SEZ6L: variants seen among roughly 807,000 people sequenced by gnomAD.
SEZ6L encodes seizure 6-like protein.
In SEZ6L, 37 loss-of-function variants were observed where a neutral mutation model predicts 106.2. The observed-to-expected ratio is 0.35, with a 90% CI of 0.27 to 0.46. SEZ6L has a LOEUF of 0.46. Ranked by LOEUF, SEZ6L falls within the 20% of genes least tolerant of loss-of-function variation. The pLI is 1.00. For missense variants in SEZ6L, 1,172 were observed against 1,332.8 expected (o/e 0.88, Z 1.88); for synonymous variants, 541 against 570.4 (o/e 0.95, Z 0.73).
chr22:26,218,076 C>T (rs1040028432), intron 1 of SEZ6L, among the ~76,000 whole-genome samples: 1 of 152,140 alleles, frequency 6.6e-6, no homozygotes, highest in African/African-American at 2.4e-5. Flanking sequence ...AAAACAGATG[C>T]AGGAATATAC....
chr22:26,180,291 C>T (rs1939305235), intron 1 of SEZ6L, among the ~76,000 whole-genome samples: 1 of 152,208 alleles, frequency 6.6e-6, no homozygotes, highest in African/African-American at 2.4e-5. Flanking sequence ...ACATATTCAT[C>T]AAGATGTGGC....
chr22:26,231,858 T>C (rs367697687), intron 1 of SEZ6L, among the ~76,000 whole-genome samples: 82 of 152,288 alleles, frequency 5.4e-4, no homozygotes, highest in African/African-American at 1.8e-3. Flanking sequence ...GGCCCTTAGC[T>C]GTCACCTGAG....
intron 13 of SEZ6L, 90 bp downstream of exon 13, chr22:26,365,656 T>C: frequency 7.9e-7 from 1 of 1,270,076 alleles, no homozygotes; most frequent in African/African-American, 1.5e-5. Context: ...CTCTAAAAAA[T>C]TGGACTAGGA....
At chr22:26,226,942 T>A (rs565666854) in intron 1 of SEZ6L, among the ~76,000 whole-genome samples, 1 of 152,292 alleles carries the variant, frequency 6.6e-6, no homozygotes, top group South Asian at 2.1e-4. Flanking sequence ...AAAGAGGAGC[T>A]GGGGTCCTTG....
At chr22:26,316,315 G>A (rs4822701) in intron 9 of SEZ6L, among the ~76,000 whole-genome samples, 39,246 of 152,056 alleles carry the variant, frequency 0.26, 5,744 homozygotes, top group South Asian at 0.58. Context: ...TGTACCTACC[G>A]TGTGCCAGCA....
At chr22:26,314,963 A>C (rs1035522311) in intron 9 of SEZ6L, among the ~76,000 whole-genome samples, 2 of 152,172 alleles carry the variant, frequency 1.3e-5, no homozygotes, top group African/African-American at 2.4e-5. Context: ...TGAGAAGTGG[A>C]CAAAGACAGA....
In SEZ6L at chr22:26,257,988, C is replaced by G. The variant is rs192811358; in HGVS notation, c.95-34418C>G. Among the ~76,000 whole-genome samples the G allele has an allele frequency of 2.8e-4, 42 of 152,286 alleles. 1 individual carries two copies. Among genetic ancestry groups the G allele is most frequent in the Admixed American group, 2.5e-3 (39 of 15,300 alleles). ...TTATACCAACTCTGGCCCGCTTTATCTGCTTGCTCCTGCCAGCCAGCTGCC... is the reference window on the plus strand; with the variant it reads ...TTATACCAACTCTGGCCCGCTTTATGTGCTTGCTCCTGCCAGCCAGCTGCC... On this transcript the variant is annotated intron_variant, in intron 1 of 16. Coordinates refer to ENST00000248933, the MANE Select transcript of SEZ6L (RefSeq NM_021115.5).
At position 26,224,003 on chromosome 22, in the gene SEZ6L, G is replaced by A. The variant is rs188502205; in HGVS notation, c.94+54240G>A. 3.8e-4 allele frequency among the ~76,000 whole-genome samples: 58 copies of A among 152,108 alleles called. 2 individuals are homozygous for A. The highest frequency in any genetic ancestry group is 3.4e-3 in the Middle Eastern group (1 of 294). On this transcript the variant is annotated intron_variant, in intron 1 of 16. Transcript: ENST00000248933. ...AACTAATTACTATTAAATTGGCCTC[G>A]TTATTAAGCATCAAGGGATCAATGG...
chr22:26,320,228 A>G (rs1569461647), intron 9 of SEZ6L, among the ~76,000 whole-genome samples: 1 of 152,156 alleles, frequency 6.6e-6, no homozygotes, highest in Non-Finnish European at 1.5e-5. Context: ...ATGCTGAGAT[A>G]TGCTGGCAGA....
intron 13 of SEZ6L, among the ~76,000 whole-genome samples, chr22:26,366,822 ATT>A (rs528292169): frequency 1.3e-5 from 2 of 151,990 alleles, no homozygotes; most frequent in Non-Finnish European, 2.9e-5. Flanking sequence ...TTATTACTAA[ATT>A]TTTTTGTAGA....
intron 1 of SEZ6L, among the ~76,000 whole-genome samples, chr22:26,234,497 TTGGGAGAACGAACGTCTTGCTCTC>T (rs965920879): frequency 6.6e-6 from 1 of 152,236 alleles, no homozygotes; most frequent in African/African-American, 2.4e-5. Flanking sequence ...GACGTGCTCC[TTGGGAGAACGAACGTCTTGCTCTC>T]TGGCTTGGCA....
chr22:26,272,088 G>A (rs570386055), intron 1 of SEZ6L, among the ~76,000 whole-genome samples: 5 of 152,326 alleles, frequency 3.3e-5, no homozygotes, highest in South Asian at 4.1e-4. Context: ...AAGAGAACAC[G>A]TTGCATAATT....
intron 1 of SEZ6L, among the ~76,000 whole-genome samples, chr22:26,222,969 C>A (rs2145727900): frequency 7.1e-6 from 1 of 139,864 alleles, no homozygotes; most frequent in East Asian, 2.1e-4. Flanking sequence ...TACAATGATG[C>A]ATGGGACAGC....
chr22:26,347,685 TC>T, intron 10 of SEZ6L, 33 bp from the exon 11 acceptor site: 3 of 1,556,258 alleles, frequency 1.9e-6, no homozygotes, highest in Non-Finnish European at 2.6e-6. Context: ...CAAGACTGCT[TC>T]CCCCATCTAA....
intron 15 of SEZ6L, among the ~76,000 whole-genome samples, chr22:26,377,250 C>G (rs371661595): frequency 6.6e-6 from 1 of 152,112 alleles, no homozygotes. Context: ...CACTACAACC[C>G]GGGTGACAGA....
intron 1 of SEZ6L, among the ~76,000 whole-genome samples, chr22:26,261,554 C>T (rs1159341479): frequency 6.6e-6 from 1 of 152,176 alleles, no homozygotes; most frequent in Non-Finnish European, 1.5e-5. Context: ...TACTGTACTG[C>T]ATGGATTCAG....
At chr22:26,224,133 G>A (rs181686204) in intron 1 of SEZ6L, among the ~76,000 whole-genome samples, 12 of 152,242 alleles carry the variant, frequency 7.9e-5, no homozygotes, top group East Asian at 5.8e-4. Flanking sequence ...TAATAACACC[G>A]GCTGTTGCTG....
At chr22:26,243,153 A>G (rs1332125400) in intron 1 of SEZ6L, among the ~76,000 whole-genome samples, 1 of 152,150 alleles carries the variant, frequency 6.6e-6, no homozygotes, top group Non-Finnish European at 1.5e-5. Flanking sequence ...ATTCTGAATG[A>G]TCTCATCTTA....
chr22:26,217,091 A>G (rs1050223914), intron 1 of SEZ6L, among the ~76,000 whole-genome samples: 1 of 152,078 alleles, frequency 6.6e-6, no homozygotes, highest in Non-Finnish European at 1.5e-5. Flanking sequence ...GATAACAGTA[A>G]CTCACTAATT....
Sources: gnomAD v4.1 joint callset for allele counts (sites outside exome capture counted in the v4.1 genomes callset) on GRCh38, gnomAD v4.1.1 for gene constraint, MANE v1.5 for transcripts, NCBI Gene and HGNC (gene_info 2026-07-23, HGNC 2026-07-21) for gene names.